The following PSD3 variants were observed in gnomAD, a reference collection of about 807,000 sequenced individuals.
The protein encoded by PSD3 is pleckstrin and Sec7 domain containing 3.
Under a neutral mutation model 105.5 loss-of-function variants are expected in PSD3, and 49 were observed. The ratio of observed to expected loss-of-function variants is 0.46; its 90% CI spans 0.37 to 0.59. The LOEUF is 0.59. PSD3 is among the 20% of genes least tolerant of loss of function. PSD3 has a pLI of 0.00. For synonymous variants in PSD3, 557 were observed against 457.8 expected (o/e 1.22, Z -2.77); for missense variants, 1,561 against 1,263.8 (o/e 1.24, Z -3.57).
chr8:18,957,446 G>A (rs1399125695), intron 1 of PSD3, among the ~76,000 whole-genome samples: 2 of 151,856 alleles, frequency 1.3e-5, no homozygotes, highest in African/African-American at 4.8e-5. Flanking sequence ...CTTCAACTCA[G>A]GCAAACAGTG....
intron 1 of PSD3, among the ~76,000 whole-genome samples, chr8:18,998,515 G>A (rs1378228377): frequency 2.0e-5 from 3 of 151,950 alleles, no homozygotes; most frequent in Admixed American, 6.6e-5. Flanking sequence ...GTGAAACCCC[G>A]TCTCTACTAA....
intron 4 of PSD3, among the ~76,000 whole-genome samples, chr8:18,824,253 T>C (rs1812994393): frequency 1.3e-5 from 2 of 152,196 alleles, no homozygotes; most frequent in Admixed American, 1.3e-4. Flanking sequence ...GATATAAAGT[T>C]AGAATTAACC....
At chr8:18,761,295 T>TACC (rs1311665220) in intron 9 of PSD3, among the ~76,000 whole-genome samples, 9 of 152,256 alleles carry the variant, frequency 5.9e-5, no homozygotes, top group African/African-American at 2.2e-4. Context: ...GGATGGTGGG[T>TACC]AGAGGTTTTG....
At chr8:18,547,603 T>C (rs775205450) in intron 15 of PSD3, among the ~76,000 whole-genome samples, 2 of 152,216 alleles carry the variant, frequency 1.3e-5, no homozygotes, top group Non-Finnish European at 2.9e-5. Flanking sequence ...ACTTTAATGC[T>C]TTCCCTCTGA....
intron 8 of PSD3, among the ~76,000 whole-genome samples, chr8:18,796,740 C>G (rs1443040874): frequency 6.6e-6 from 1 of 152,112 alleles, no homozygotes; most frequent in Admixed American, 6.6e-5. Context: ...GGTCTTGGCA[C>G]TTCTTAGAAA....
At chr8:19,009,151 G>T (rs1298643400) in intron 1 of PSD3, among the ~76,000 whole-genome samples, 2 of 152,170 alleles carry the variant, frequency 1.3e-5, no homozygotes, top group Non-Finnish European at 2.9e-5. Flanking sequence ...GGGTTTTGTT[G>T]TTGTTGTTTA....
chr8:18,634,525 T>G (rs1411845272), intron 10 of PSD3, among the ~76,000 whole-genome samples: 1 of 152,114 alleles, frequency 6.6e-6, no homozygotes, highest in Non-Finnish European at 1.5e-5. Flanking sequence ...AGTTTACCAT[T>G]TTTTTCTATT....
intron 10 of PSD3, among the ~76,000 whole-genome samples, chr8:18,652,656 C>T (rs566171301): frequency 2.0e-5 from 3 of 151,824 alleles, no homozygotes; most frequent in Non-Finnish European, 4.4e-5. Context: ...CGCCACCACG[C>T]CCAGCTAATT....
chr8:19,019,088 C>T (rs1191394158), intron 1 of PSD3, among the ~76,000 whole-genome samples: 2 of 152,172 alleles, frequency 1.3e-5, no homozygotes, highest in East Asian at 3.9e-4. Context: ...AGCCACTGCG[C>T]CCAGCCAGAA....
chr8:18,727,202 T>C (rs577079675), intron 9 of PSD3, among the ~76,000 whole-genome samples: 13 of 151,854 alleles, frequency 8.6e-5, no homozygotes, highest in African/African-American at 3.1e-4. Context: ...CTGGGCATGG[T>C]GGTGGGCACC....
At chr8:18,778,071 T>C (rs1302533914) in intron 8 of PSD3, among the ~76,000 whole-genome samples, 1 of 152,218 alleles carries the variant, frequency 6.6e-6, no homozygotes, top group East Asian at 1.9e-4. Flanking sequence ...ATTCCATATC[T>C]TGGCTATCAA....
At chr8:18,734,805 C>G (rs1466284557) in intron 9 of PSD3, among the ~76,000 whole-genome samples, 2 of 152,178 alleles carry the variant, frequency 1.3e-5, no homozygotes. Flanking sequence ...ACCACAGTTT[C>G]TCATTCTGAT....
chr8:18,656,377 T>C (rs1395986279), intron 9 of PSD3, among the ~76,000 whole-genome samples: 2 of 150,696 alleles, frequency 1.3e-5, no homozygotes, highest in Non-Finnish European at 3.0e-5. Context: ...TTTTCGTTAA[T>C]GAAAGAAATA....
intron 10 of PSD3, among the ~76,000 whole-genome samples, chr8:18,637,004 G>C (rs1807301403): frequency 6.6e-6 from 1 of 152,104 alleles, no homozygotes; most frequent in African/African-American, 2.4e-5. Flanking sequence ...ACCTAAGCCA[G>C]CACATTCCAG....
chr8:18,939,761 G>A (rs776665937), intron 1 of PSD3, among the ~76,000 whole-genome samples: 10 of 152,164 alleles, frequency 6.6e-5, no homozygotes, highest in Non-Finnish European at 1.5e-4. Flanking sequence ...CTATCAAGAG[G>A]AGCCTGCTCA....
At chr8:18,876,643 G>A (rs972551641) in intron 2 of PSD3, among the ~76,000 whole-genome samples, 19 of 151,992 alleles carry the variant, frequency 1.3e-4, no homozygotes, top group Non-Finnish European at 4.4e-5. Flanking sequence ...CAAAGGATAC[G>A]CCTGCCTCGG....
intron 4 of PSD3, among the ~76,000 whole-genome samples, chr8:18,836,017 G>C (rs1028040308): frequency 6.6e-6 from 1 of 152,184 alleles, no homozygotes; most frequent in Admixed American, 6.5e-5. Flanking sequence ...TGCTCACCTG[G>C]ATCACTTGAA....
At chr8:18,818,475 T>G (rs1289850801) in intron 4 of PSD3, among the ~76,000 whole-genome samples, 1 of 152,148 alleles carries the variant, frequency 6.6e-6, no homozygotes, top group African/African-American at 2.4e-5. Flanking sequence ...TAATGTGAAT[T>G]AGATGTTATC....
chr8:19,040,568 C>G (rs1017839163), intron 1 of PSD3, among the ~76,000 whole-genome samples: 5 of 152,116 alleles, frequency 3.3e-5, no homozygotes, highest in African/African-American at 1.2e-4. Flanking sequence ...AGTAACTTGG[C>G]CTGATTACAT....
Sources: gnomAD v4.1 joint callset for allele counts (sites outside exome capture counted in the v4.1 genomes callset) on GRCh38, gnomAD v4.1.1 for gene constraint, MANE v1.5 for transcripts, NCBI Gene and HGNC (gene_info 2026-07-23, HGNC 2026-07-21) for gene names.